The following PHF21A variants were observed in gnomAD, a reference collection of about 807,000 sequenced individuals.
PHF21A encodes the protein PHD finger protein 21A, also known as BHC80a.
PHF21A carries 11 observed loss-of-function variants against 82.5 expected under a neutral mutation model. That is an observed-to-expected ratio of 0.13 (90% CI 0.08 to 0.22). The LOEUF is 0.22. Among genes scored for constraint, PHF21A ranks in the 10% least tolerant of loss-of-function variants. The pLI, the probability that PHF21A is intolerant of heterozygous loss-of-function variation, is 1.00. For synonymous variants in PHF21A, 297 were observed against 302.8 expected, an observed-to-expected ratio of 0.98 and a Z score of 0.20; for missense variants, 579 against 837.8, an observed-to-expected ratio of 0.69 and a Z score of 3.81.
chr11:46,019,512 A>C (rs2095588141), intron 6 of PHF21A, among the ~76,000 whole-genome samples: 1 of 152,216 alleles, frequency 6.6e-6, no homozygotes, highest in South Asian at 2.1e-4. Context: ...AGAGGAATTT[A>C]GTTAAACATA....
At chr11:45,987,419 T>C (rs2094530993) in intron 6 of PHF21A, among the ~76,000 whole-genome samples, 1 of 151,786 alleles carries the variant, frequency 6.6e-6, no homozygotes, top group African/African-American at 2.4e-5. Flanking sequence ...CCTGGCACTT[T>C]GGGAGGCCGA....
At chr11:46,063,989 C>T (rs759369474) in intron 6 of PHF21A, among the ~76,000 whole-genome samples, 1 of 152,172 alleles carries the variant, frequency 6.6e-6, no homozygotes. Flanking sequence ...AAATCACATA[C>T]TCAGAAAAAC....
At chr11:45,956,165 T>G (rs1213925380) in intron 10 of PHF21A, among the ~76,000 whole-genome samples, 1 of 152,160 alleles carries the variant, frequency 6.6e-6, no homozygotes, top group Admixed American at 6.5e-5. Flanking sequence ...AAAAGATATG[T>G]TAAAGGGAGT....
intron 4 of PHF21A, among the ~76,000 whole-genome samples, chr11:46,080,149 ATATTT>A (rs369842313): frequency 1.2e-3 from 177 of 152,212 alleles, no homozygotes; most frequent in African/African-American, 3.8e-3. Context: ...AATATACTAT[ATATTT>A]ATCTAACTAC....
chr11:45,973,073 C>G (rs1195463669), intron 7 of PHF21A, among the ~76,000 whole-genome samples: 1 of 151,928 alleles, frequency 6.6e-6, no homozygotes, highest in African/African-American at 2.4e-5. Flanking sequence ...AGTGAGACTT[C>G]GTCTCAAAAA....
At chr11:46,058,823 A>T (rs1007436127) in intron 6 of PHF21A, among the ~76,000 whole-genome samples, 1 of 152,224 alleles carries the variant, frequency 6.6e-6, no homozygotes, top group Non-Finnish European at 1.5e-5. Context: ...CTGGGACAGT[A>T]TCTAGAATGG....
At chr11:46,066,993 A>T (rs1230435799) in intron 6 of PHF21A, among the ~76,000 whole-genome samples, 3 of 152,170 alleles carry the variant, frequency 2.0e-5, no homozygotes, top group Non-Finnish European at 4.4e-5. Context: ...TCATCTTTCC[A>T]TTCAGTTAAG....
At chr11:45,948,007 C>T (rs1194567389) in intron 14 of PHF21A, among the ~76,000 whole-genome samples, 2 of 152,150 alleles carry the variant, frequency 1.3e-5, no homozygotes, top group South Asian at 4.1e-4. Context: ...AGGATGACCT[C>T]CTGAGCTTCC....
intron 6 of PHF21A, among the ~76,000 whole-genome samples, chr11:46,004,244 T>C (rs2095234988): frequency 6.6e-6 from 1 of 152,176 alleles, no homozygotes; most frequent in African/African-American, 2.4e-5. Flanking sequence ...TTCATCTTCA[T>C]AAAAACCAAA....
intron 6 of PHF21A, among the ~76,000 whole-genome samples, chr11:46,018,107 G>A (rs1184801375): frequency 4.0e-5 from 6 of 151,838 alleles, no homozygotes; most frequent in South Asian, 2.1e-4. Context: ...AAAATTAGCC[G>A]GGCGTAGTGG....
At chr11:46,118,179 C>T (rs553739429) in intron 1 of PHF21A, 2 of 152,210 alleles carry the variant, frequency 1.3e-5, no homozygotes, top group African/African-American at 4.8e-5. Flanking sequence ...TCACTTATAC[C>T]TTCTAAAAAT....
chr11:46,096,704 G>A (rs2097001738), intron 1 of PHF21A, among the ~76,000 whole-genome samples: 1 of 151,924 alleles, frequency 6.6e-6, no homozygotes, highest in Non-Finnish European at 1.5e-5. Context: ...CTCAGTTCTT[G>A]GAACTCTTCC....
chr11:45,959,284 CTATGTA>C (rs1197207548), intron 10 of PHF21A, among the ~76,000 whole-genome samples: 1 of 152,196 alleles, frequency 6.6e-6, no homozygotes, highest in Non-Finnish European at 1.5e-5. Context: ...AATCATTTCA[CTATGTA>C]TATGTATATC....
At chr11:46,015,107 A>G (rs1269335216) in intron 6 of PHF21A, among the ~76,000 whole-genome samples, 7 of 152,258 alleles carry the variant, frequency 4.6e-5, no homozygotes, top group African/African-American at 1.4e-4. Context: ...AGCAATGTTG[A>G]GCATTTTTTC....
intron 16 of PHF21A, among the ~76,000 whole-genome samples, chr11:45,937,502 CAG>C (rs1478229242): frequency 2.0e-5 from 3 of 152,114 alleles, no homozygotes; most frequent in African/African-American, 7.2e-5. Flanking sequence ...TTTTTTGAGA[CAG>C]AGTCTCGCTC....
chr11:46,018,347 C>T (rs768388903), intron 6 of PHF21A, among the ~76,000 whole-genome samples: 7 of 152,058 alleles, frequency 4.6e-5, no homozygotes, highest in African/African-American at 9.7e-5. Context: ...CTGTTAGCTG[C>T]GCATCATGAA....
At chr11:46,111,166 T>A in intron 1 of PHF21A, among the ~76,000 whole-genome samples, 1 of 149,292 alleles carries the variant, frequency 6.7e-6, no homozygotes, top group East Asian at 2.0e-4. Flanking sequence ...TATAAACAAG[T>A]ACTTTAAAAA....
intron 6 of PHF21A, among the ~76,000 whole-genome samples, chr11:45,990,713 T>TG (rs1440120590): frequency 7.6e-4 from 2 of 2,642 alleles, no homozygotes; most frequent in Non-Finnish European, 3.3e-3. Context: ...CCTTGATTTG[T>TG]TTTTTTTTTT....
intron 6 of PHF21A, among the ~76,000 whole-genome samples, chr11:45,999,265 T>C (rs2095032190): frequency 6.6e-6 from 1 of 152,238 alleles, no homozygotes; most frequent in Admixed American, 6.5e-5. Context: ...GGAGAGTATA[T>C]ATTTTGTGCA....
Sources: allele counts gnomAD v4.1 joint callset (sites outside exome capture counted in the v4.1 genomes callset), GRCh38; gene constraint gnomAD v4.1.1; transcripts MANE v1.5; gene names NCBI Gene and HGNC (gene_info 2026-07-23, HGNC 2026-07-21).